ZNF576: variants seen among roughly 807,000 people sequenced by gnomAD.
ZNF576 encodes the protein zinc finger protein 576.
ZNF576 carries 9 observed loss-of-function variants against 10.8 expected under a neutral mutation model. That is an observed-to-expected ratio of 0.84 (90% CI 0.50 to 1.46). The LOEUF (loss-of-function observed/expected upper bound fraction) is 1.46, where lower values mean the gene tolerates loss of function less well. ZNF576 is among the 40% of genes most tolerant of loss of function. The probability of loss-of-function intolerance (pLI) is 0.00; values close to 1 mark genes in which losing one functional copy is unlikely to be tolerated. For synonymous variants in ZNF576, 88 were observed against 89.6 expected (o/e 0.98, Z 0.10); for missense variants, 191 against 233.7 (o/e 0.82, Z 1.19).
rs1055303664 is a variant in ZNF576, at chr19:43,599,517, G to A, written c.*259G>A. 13 of 488,616 alleles carry A rather than the reference G, an allele frequency of 2.7e-5. No homozygotes were observed. The highest frequency in any genetic ancestry group is 4.3e-5 in the Non-Finnish European group (12 of 275,934). The allele number at this position is 488,616 out of a possible 1,614,324, so 30.3% of individuals were successfully genotyped here. A position where few individuals can be genotyped will look rare whatever the true frequency, so the allele number is the denominator to read the frequency against. ...AAAAAAAAAATGGGAAGGGAGTGCG[G>A]GAGAGAAATGGTTTGTGTCTCCCTT... On this transcript the variant is annotated 3_prime_UTR_variant, in exon 3 of 3. Transcript: ENST00000336564.
chr19:43,598,402 A>G (rs572214486), intron 2 of ZNF576, among the ~76,000 whole-genome samples: 2 of 152,294 alleles, frequency 1.3e-5, no homozygotes, highest in South Asian at 4.1e-4. Flanking sequence ...ACAGCAATTC[A>G]TTTATTCCTT....
rs1367216562 is a variant in ZNF576, at chr19:43,600,999, G to A, written c.*1741G>A. On this transcript the variant is annotated 3_prime_UTR_variant, in exon 3 of 3. Transcript: ENST00000336564. ...GCCTGGGTCTCTCGTCAATTTCAAG[G>A]AGCACAGCCACCATACCAGCCCACT... is the stretch of plus-strand genomic sequence containing the variant. The A allele has an allele frequency of 3.9e-5, 6 of 152,102 alleles. No homozygotes were observed. The highest frequency in any genetic ancestry group is 8.8e-5 in the Non-Finnish European group (6 of 68,030). The allele number at this position is 152,102 out of a possible 1,614,324, so 9.4% of individuals were successfully genotyped here.
Position 43,599,244 on chromosome 19 carries a change from C to G in ZNF576, c.499C>G (p.Arg167Gly). The change falls in exon 3 of 3, where the codon CGG becomes GGG. Residue 167 changes from arginine to glycine, a missense_variant. By Grantham distance (125) the Arg-to-Gly change is moderately radical (BLOSUM62 -2). Coordinates refer to ENST00000336564, the MANE Select transcript of ZNF576 (RefSeq NM_001145347.2). Reference protein sequence around the residue: ...GLHQHYIRHARGEL With the variant: ...GLHQHYIRHAGGEL ...GCATCAACACTACATTCGGCATGCCCGGGGGGAGCTCTGAGTGCAGCTTAA... is the reference window on the plus strand; with the variant it reads ...GCATCAACACTACATTCGGCATGCCGGGGGGGAGCTCTGAGTGCAGCTTAA... The G allele has an allele frequency of 6.2e-7, 1 of 1,613,132 alleles. No individual in the cohort carries two copies. Among genetic ancestry groups the G allele is most frequent in the South Asian group, 1.1e-5 (1 of 91,026 alleles).
rs1443801791 is a variant in ZNF576 at position 43,599,767 on chromosome 19, G to C, written c.*509G>C. 1 of 154,312 alleles carries C rather than the reference G, an allele frequency of 6.5e-6. No homozygotes were observed. The highest frequency in any genetic ancestry group is 1.4e-5 in the Non-Finnish European group (1 of 69,612). The allele number at this position is 154,312 out of a possible 1,614,324, so 9.6% of individuals were successfully genotyped here. A position where few individuals can be genotyped will look rare whatever the true frequency, so the allele number is the denominator to read the frequency against. On this transcript the variant is annotated 3_prime_UTR_variant, in exon 3 of 3. Coordinates refer to ENST00000336564, the MANE Select transcript of ZNF576 (RefSeq NM_001145347.2). ...GTTGGGAGCTGGACCCCAATTGAGT[G>C]GGGGTAGCAATTGGAGTCCTTGTGT...
At chr19:43,596,952 A>C in intron 1 of ZNF576, 142 bp from the exon 2 acceptor site, 1 of 631,348 alleles carries the variant, frequency 1.6e-6, no homozygotes, top group South Asian at 1.9e-5. Context: ...CATCAATTAG[A>C]GTTCAAGGAG....
chr19:43,599,111 GC>G lies in ZNF576; in HGVS notation c.367del (p.Gln123ArgfsTer5). 6.2e-7 allele frequency: 1 copy of G among 1,614,216 alleles called. No homozygotes were observed. The highest frequency in any genetic ancestry group is 8.5e-7 in the Non-Finnish European group (1 of 1,180,046). On this transcript the variant is annotated frameshift_variant, in exon 3 of 3. Coordinates refer to ENST00000336564, the MANE Select transcript of ZNF576 (RefSeq NM_001145347.2). LOFTEE classifies it high-confidence loss of function. The stretch of plus-strand genomic sequence containing the variant: ...GTCCTGACTGTGGCAAGACCTTTGG[GC>G]AGGCTGTTTCTCTGAGGCGGCACCG... ...PCPDCGKTFG[Q>X]AVSLRRHRQM...
In ZNF576 at chr19:43,599,037, A is replaced by G. The variant is rs780466659; in HGVS notation, c.292A>G (p.Lys98Glu). The G allele has an allele frequency of 1.2e-6, 2 of 1,614,024 alleles. No individual in the cohort carries two copies. Among genetic ancestry groups the G allele is most frequent in the East Asian group, 2.2e-5 (1 of 44,890 alleles). Residue 98 changes from lysine to glutamate, a missense_variant, in exon 3 of 3, where the codon AAG becomes GAG. Coordinates refer to ENST00000336564, the MANE Select transcript of ZNF576 (RefSeq NM_001145347.2). ...THQRSHGPAA[K>E]PTLPVATTTA... Reference sequence around the variant, plus strand: ...CCAGCGCAGCCACGGTCCAGCCGCCAAGCCCACCCTGCCGGTTGCAACCAC... The same window carrying G: ...CCAGCGCAGCCACGGTCCAGCCGCCGAGCCCACCCTGCCGGTTGCAACCAC...
At chr19:43,596,885 C>A in intron 1 of ZNF576, 142 bp downstream of exon 1, 1 of 510,686 alleles carries the variant, frequency 2.0e-6, no homozygotes, top group Non-Finnish European at 3.6e-6. Flanking sequence ...TAGGGGAGTC[C>A]CAAACCCAGG....
In ZNF576 at chr19:43,599,510, G is replaced by C. The variant is rs1484633521; in HGVS notation, c.*252G>C. ...TTGTTAAAAAAAAAAAATGGGAAGG[G>C]AGTGCGGGAGAGAAATGGTTTGTGT... On this transcript the variant is annotated 3_prime_UTR_variant, in exon 3 of 3. Transcript: ENST00000336564. 1.8e-5 allele frequency: 9 copies of C among 498,878 alleles called. No homozygotes were observed. Among genetic ancestry groups the C allele is most frequent in the African/African-American group, 1.8e-4 (9 of 51,226 alleles). 30.9% of individuals were successfully genotyped at this position (498,878 alleles called of 1,614,324 possible). A position where few individuals can be genotyped will look rare whatever the true frequency, so the allele number is the denominator to read the frequency against.
intron 1 of ZNF576, 117 bp from the exon 2 acceptor site, chr19:43,596,977 G>C (rs1973152047): frequency 1.4e-6 from 1 of 733,178 alleles, no homozygotes. Flanking sequence ...TATGTCGTAG[G>C]GGTCAAAGGC....
In ZNF576 at chr19:43,600,441, C is replaced by T. The variant is rs916201074; in HGVS notation, c.*1183C>T. On this transcript the variant is annotated 3_prime_UTR_variant, in exon 3 of 3. Transcript: ENST00000336564. ...GGATGTGGTAGACTGATCACTGTCTCTGTTTTTAGCTAGGCACACAGTAGC... is the reference window on the plus strand; with the variant it reads ...GGATGTGGTAGACTGATCACTGTCTTTGTTTTTAGCTAGGCACACAGTAGC... 4 of 152,372 alleles carry T rather than the reference C, an allele frequency of 2.6e-5. No homozygotes were observed. Among genetic ancestry groups the T allele is most frequent in the East Asian group, 1.9e-4 (1 of 5,194 alleles). 9.4% of individuals were successfully genotyped at this position (152,372 alleles called of 1,614,324 possible).
In ZNF576 at chr19:43,599,512, G is replaced by C; in HGVS notation, c.*254G>C. On this transcript the variant is annotated 3_prime_UTR_variant, in exon 3 of 3. Transcript: ENST00000336564. The stretch of plus-strand genomic sequence containing the variant: ...GTTAAAAAAAAAAAATGGGAAGGGA[G>C]TGCGGGAGAGAAATGGTTTGTGTCT... 2.0e-6 allele frequency: 1 copy of C among 497,006 alleles called. No homozygotes were observed. Among genetic ancestry groups the C allele is most frequent in the East Asian group, 3.4e-5 (1 of 29,746 alleles). The allele number at this position is 497,006 out of a possible 1,614,324, so 30.8% of individuals were successfully genotyped here.
At chr19:43,597,560 G>C (rs958086605) in intron 2 of ZNF576, 7 of 210,266 alleles carry the variant, frequency 3.3e-5, no homozygotes, top group African/African-American at 1.6e-4. Flanking sequence ...TGGTTTCCTT[G>C]ACTGTCAAAA....
At position 43,599,141 on chromosome 19, in the gene ZNF576, G is replaced by A; in HGVS notation, c.396G>A (p.Gln132=). The A allele has an allele frequency of 6.2e-7, 1 of 1,614,276 alleles. No homozygotes were observed. Among genetic ancestry groups the A allele is most frequent in the Non-Finnish European group, 8.5e-7 (1 of 1,180,058 alleles). The part of the protein sequence containing the change: ...GQAVSLRRHR[Q]MHEVRAPPGT... Reference sequence around the variant, plus strand: ...CTGTTTCTCTGAGGCGGCACCGCCAGATGCATGAGGTCCGTGCCCCTCCTG... The same window carrying A: ...CTGTTTCTCTGAGGCGGCACCGCCAAATGCATGAGGTCCGTGCCCCTCCTG... The change falls in exon 3 of 3, where the codon CAG becomes CAA. Residue 132 remains glutamine (Q), a synonymous_variant. Transcript: ENST00000336564.
At chr19:43,596,787 C>T (rs543682084) in intron 1 of ZNF576, 44 bp downstream of exon 1, 12 of 219,478 alleles carry the variant, frequency 5.5e-5, no homozygotes, top group African/African-American at 2.7e-4. Flanking sequence ...ATTGGGATGA[C>T]GCTGGTGTCA....
At position 43,598,975 on chromosome 19, in the gene ZNF576, C is replaced by A. The variant is rs780468990; in HGVS notation, c.230C>A (p.Ala77Asp). 4 of 1,614,040 alleles carry A rather than the reference C, an allele frequency of 2.5e-6. No individual in the cohort carries two copies. In the South Asian group the frequency reaches 4.4e-5, roughly 18 times the overall value. The change falls in exon 3 of 3, where the codon GCC becomes GAC. Residue 77 changes from alanine (A) to aspartate (D), a missense_variant. By Grantham distance (126) the Ala-to-Asp change is moderately radical. Coordinates refer to ENST00000336564, the MANE Select transcript of ZNF576 (RefSeq NM_001145347.2). ...QGVLFICFTC[A>D]RSFPSSKALI... ...GTCCTCTTCATCTGCTTCACCTGCG[C>A]CCGCTCCTTCCCCTCCTCCAAAGCC...
rs1973189594 is a variant in ZNF576 at position 43,599,625 on chromosome 19, T to C, written c.*367T>C. ...GGATGCCATGGGCTATGGGAGCAAA[T>C]TGCCCTGGACCTTTGCCTGAATGGG... On this transcript the variant is annotated 3_prime_UTR_variant, in exon 3 of 3. Coordinates refer to ENST00000336564, the MANE Select transcript of ZNF576 (RefSeq NM_001145347.2). The C allele has an allele frequency of 4.6e-6, 1 of 217,994 alleles. No individual in the cohort carries two copies. The highest frequency in any genetic ancestry group is 9.1e-6 in the Non-Finnish European group (1 of 109,372). The allele number at this position is 217,994 out of a possible 1,614,324, so 13.5% of individuals were successfully genotyped here. A position where few individuals can be genotyped will look rare whatever the true frequency, so the allele number is the denominator to read the frequency against.
At chr19:43,597,048 G>A in intron 1 of ZNF576, 46 bp from the exon 2 acceptor site, 1 of 1,571,574 alleles carries the variant, frequency 6.4e-7, no homozygotes, top group Non-Finnish European at 8.8e-7. Context: ...TCTAAGACTG[G>A]TAACAGATGA....
chr19:43,598,537 T>C (rs1190057626), intron 2 of ZNF576, among the ~76,000 whole-genome samples: 3 of 152,218 alleles, frequency 2.0e-5, no homozygotes, highest in Non-Finnish European at 2.9e-5. Flanking sequence ...AAGGCTGTGC[T>C]GTAATCACCA....
Sources: allele counts gnomAD v4.1 joint callset (sites outside exome capture counted in the v4.1 genomes callset), GRCh38; gene constraint gnomAD v4.1.1; transcripts MANE v1.5; gene names NCBI Gene and HGNC (gene_info 2026-07-23, HGNC 2026-07-21).